The following ROBO1 variants were observed in gnomAD, a reference collection of about 807,000 sequenced individuals.
The protein encoded by ROBO1 is roundabout homolog 1.
A neutral mutation model predicts 195.9 loss-of-function variants in ROBO1; 149 were observed. The observed-to-expected ratio is 0.76, with a 90% CI of 0.67 to 0.87. The LOEUF is 0.87. ROBO1 is among the 40% of genes least tolerant of loss of function. The pLI is 0.00. For missense variants in ROBO1, 1,933 were observed against 2,068.3 expected (o/e 0.93, Z 1.27); for synonymous variants, 816 against 733.2 (o/e 1.11, Z -1.82).
intron 2 of ROBO1, among the ~76,000 whole-genome samples, chr3:79,208,563 G>A (rs532418572): frequency 2.6e-5 from 4 of 152,298 alleles, no homozygotes; most frequent in African/African-American, 9.6e-5. Context: ...CCTAAAAGAG[G>A]TAGAGTGAGA....
rs77208909 is a variant in ROBO1 at position 78,955,803 on chromosome 3, A to G, written c.173-16876T>C. Among the ~76,000 whole-genome samples the G allele has an allele frequency of 2.9e-3, 437 of 152,270 alleles. 3 individuals are homozygous for G. Among genetic ancestry groups the G allele is most frequent in the African/African-American group, 0.01 (427 of 41,558 alleles). ...CACTTTTAGAAAACAAAATACTTAA[A>G]ATAACCTTTTAAAGGATTACTGAGA... On this transcript the variant is annotated intron_variant, in intron 3 of 30. Coordinates refer to ENST00000464233, the MANE Select transcript of ROBO1 (RefSeq NM_002941.4).
intron 3 of ROBO1, among the ~76,000 whole-genome samples, chr3:79,071,413 C>G (rs1302092664): frequency 6.6e-6 from 1 of 151,574 alleles, no homozygotes; most frequent in Non-Finnish European, 1.5e-5. Flanking sequence ...TCTCTTTAAT[C>G]CCTAAAGTAA....
intron 2 of ROBO1, among the ~76,000 whole-genome samples, chr3:79,506,920 G>T (rs1940429117): frequency 6.6e-6 from 1 of 152,184 alleles, no homozygotes; most frequent in African/African-American, 2.4e-5. Flanking sequence ...CCAATGGAAA[G>T]ATTACAGAGT....
intron 1 of ROBO1, among the ~76,000 whole-genome samples, chr3:79,669,810 G>A (rs1036565076): frequency 1.3e-5 from 2 of 151,770 alleles, no homozygotes; most frequent in African/African-American, 2.4e-5. Context: ...AGGAACCATT[G>A]GAATGAAAGA....
chr3:79,016,598 C>G (rs2077940898), intron 3 of ROBO1, among the ~76,000 whole-genome samples: 1 of 152,164 alleles, frequency 6.6e-6, no homozygotes, highest in Non-Finnish European at 1.5e-5. Flanking sequence ...GAAGACAGAA[C>G]TTCCAAGTTG....
At chr3:79,199,929 A>G (rs1448814038) in intron 2 of ROBO1, among the ~76,000 whole-genome samples, 6 of 151,748 alleles carry the variant, frequency 4.0e-5, no homozygotes, top group Non-Finnish European at 7.4e-5. Flanking sequence ...AAAGTCTAAG[A>G]GCTATTTAAA....
chr3:79,009,237 A>G (rs1420953488), intron 3 of ROBO1, among the ~76,000 whole-genome samples: 1 of 150,574 alleles, frequency 6.6e-6, no homozygotes, highest in East Asian at 2.0e-4. Context: ...AACAGGTGTG[A>G]GCCACCACGC....
chr3:79,484,917 C>A (rs918254163), intron 2 of ROBO1, among the ~76,000 whole-genome samples: 3 of 151,670 alleles, frequency 2.0e-5, no homozygotes, highest in Admixed American at 1.3e-4. Context: ...CCATGCCTAG[C>A]TAATTTTTGT....
intron 8 of ROBO1, among the ~76,000 whole-genome samples, chr3:78,707,145 C>T (rs192708260): frequency 7.9e-5 from 12 of 152,286 alleles, no homozygotes; most frequent in Admixed American, 7.8e-4. Flanking sequence ...AGGGGTCAAT[C>T]ATAAACTGCG....
chr3:79,354,292 T>C (rs750144883), intron 2 of ROBO1, among the ~76,000 whole-genome samples: 1 of 152,154 alleles, frequency 6.6e-6, no homozygotes, highest in Non-Finnish European at 1.5e-5. Flanking sequence ...AGAACTTATT[T>C]TCTTCACTGT....
At chr3:79,220,903 T>TACA (rs1464991090) in intron 2 of ROBO1, among the ~76,000 whole-genome samples, 1 of 152,042 alleles carries the variant, frequency 6.6e-6, no homozygotes, top group Non-Finnish European at 1.5e-5. Flanking sequence ...GGCATGGCTG[T>TACA]ACACTGTAGG....
chr3:78,607,793 T>C (rs1269310849), intron 28 of ROBO1, among the ~76,000 whole-genome samples: 1 of 152,170 alleles, frequency 6.6e-6, no homozygotes, highest in Non-Finnish European at 1.5e-5. Flanking sequence ...TCTCTTCTTA[T>C]TTTGTAGAGA....
chr3:78,860,907 G>T (rs2034791231), intron 4 of ROBO1, among the ~76,000 whole-genome samples: 1 of 152,136 alleles, frequency 6.6e-6, no homozygotes, highest in African/African-American at 2.4e-5. Context: ...CATCTGGATT[G>T]CTCTTACCCA....
At chr3:78,791,694 C>A (rs941452695) in intron 4 of ROBO1, among the ~76,000 whole-genome samples, 1 of 152,182 alleles carries the variant, frequency 6.6e-6, no homozygotes, top group East Asian at 1.9e-4. Context: ...TTGTCACTTA[C>A]CTCTCTATAC....
chr3:79,309,417 A>C (rs1371150866), intron 2 of ROBO1, among the ~76,000 whole-genome samples: 1 of 152,030 alleles, frequency 6.6e-6, no homozygotes, highest in Non-Finnish European at 1.5e-5. Context: ...CCGTCTCTAC[A>C]AAAACCCAGT....
intron 2 of ROBO1, among the ~76,000 whole-genome samples, chr3:79,158,079 CT>C (rs2080890349): frequency 6.6e-6 from 1 of 151,700 alleles, no homozygotes; most frequent in Non-Finnish European, 1.5e-5. Context: ...AAGAGTACAT[CT>C]CTTTTACATT....
intron 1 of ROBO1, among the ~76,000 whole-genome samples, chr3:79,623,993 G>C (rs1291960914): frequency 6.6e-6 from 1 of 152,174 alleles, no homozygotes; most frequent in Non-Finnish European, 1.5e-5. Flanking sequence ...GCTACCAGCA[G>C]AAGTCTCAAT....
chr3:79,001,628 T>TA (rs1261526620), intron 3 of ROBO1, among the ~76,000 whole-genome samples: 3 of 152,164 alleles, frequency 2.0e-5, no homozygotes, highest in Non-Finnish European at 4.4e-5. Context: ...ATATATGAGT[T>TA]AGTTTCTGTA....
At chr3:78,785,521 T>A (rs1263318391) in intron 4 of ROBO1, among the ~76,000 whole-genome samples, 2 of 152,226 alleles carry the variant, frequency 1.3e-5, no homozygotes, top group African/African-American at 4.8e-5. Context: ...TTATTCCTAC[T>A]ACTACTCATA....
Sources: allele counts gnomAD v4.1 joint callset (sites outside exome capture counted in the v4.1 genomes callset), GRCh38; gene constraint gnomAD v4.1.1; transcripts MANE v1.5; gene names NCBI Gene and HGNC (gene_info 2026-07-23, HGNC 2026-07-21).